NRXN3: variants seen among roughly 807,000 people sequenced by gnomAD.
The protein encoded by NRXN3 is neurexin 3.
In NRXN3, 32 loss-of-function variants were observed where a neutral mutation model predicts 137.6. The ratio of observed to expected loss-of-function variants is 0.23; its 90% CI spans 0.18 to 0.31. The LOEUF is 0.31. Ranked by LOEUF, NRXN3 falls within the 10% of genes least tolerant of loss-of-function variation. NRXN3 has a pLI of 1.00. For synonymous variants in NRXN3, 798 were observed against 784.5 expected, an observed-to-expected ratio of 1.02 and a Z score of -0.29; for missense variants, 1,574 against 2,062.5, an observed-to-expected ratio of 0.76 and a Z score of 4.59.
intron 4 of NRXN3, among the ~76,000 whole-genome samples, chr14:78,464,177 C>T (rs898502567): frequency 3.3e-5 from 5 of 151,852 alleles, no homozygotes; most frequent in African/African-American, 4.8e-5. Flanking sequence ...TTCAGCCTCC[C>T]GAGTAGCTGG....
rs58170856 is a variant in NRXN3, at chr14:78,993,834, ATTTTTTTTTTT to A, written c.3262+5716_3262+5726del. On this transcript the variant is annotated intron_variant, in intron 15 of 20. Transcript: ENST00000335750. ...GTTTTCATTGAAGATGAGCCTTGAA[ATTTTTTTTTTT>A]TTTTTTTTTTTTTTTTTTTTTTGAG... Among the ~76,000 whole-genome samples the A allele has an allele frequency of 2.1e-4, 14 of 67,004 alleles. No homozygotes were observed. The South Asian group carries it at 3.8e-3, about 18-fold the overall frequency. 44.0% of individuals were successfully genotyped at this position (67,004 alleles called of 152,430 possible).
At chr14:79,705,931 G>A (rs1283011936) in intron 19 of NRXN3, among the ~76,000 whole-genome samples, 1 of 152,184 alleles carries the variant, frequency 6.6e-6, no homozygotes, top group Non-Finnish European at 1.5e-5. Context: ...ACAGTGCCTA[G>A]AACAGTAGCG....
intron 19 of NRXN3, among the ~76,000 whole-genome samples, chr14:79,761,773 AT>A (rs2099039706): frequency 6.6e-6 from 1 of 151,150 alleles, no homozygotes; most frequent in Non-Finnish European, 1.5e-5. Flanking sequence ...AATAATTTAT[AT>A]TTTGATTATG....
chr14:78,780,924 C>T (rs762218338), intron 8 of NRXN3, among the ~76,000 whole-genome samples: 15 of 152,112 alleles, frequency 9.9e-5, no homozygotes, highest in Non-Finnish European at 1.8e-4. Flanking sequence ...TTTGGCCTCA[C>T]AATTGCATAT....
chr14:79,142,056 G>T (rs2199791), intron 15 of NRXN3, among the ~76,000 whole-genome samples: 149,575 of 152,268 alleles, frequency 0.98, 73,517 homozygotes, highest in Middle Eastern at 1. Flanking sequence ...AGATTCTTTT[G>T]GGGGGTTCAC....
chr14:79,284,349 T>C (rs1179006023), intron 15 of NRXN3, among the ~76,000 whole-genome samples: 8 of 86,020 alleles, frequency 9.3e-5, no homozygotes, highest in Middle Eastern at 6.2e-3. Flanking sequence ...AATACATATA[T>C]ATATATATAT....
intron 15 of NRXN3, among the ~76,000 whole-genome samples, chr14:79,112,354 A>G (rs993277908): frequency 1.3e-5 from 2 of 152,212 alleles, no homozygotes; most frequent in Admixed American, 6.5e-5. Flanking sequence ...GAAGGGAAGA[A>G]GGATGCATTT....
chr14:78,449,879 T>G (rs2094509603), intron 4 of NRXN3, among the ~76,000 whole-genome samples: 2 of 152,218 alleles, frequency 1.3e-5, no homozygotes, highest in African/African-American at 4.8e-5. Flanking sequence ...GGAATTAATA[T>G]CTCTCGATTC....
At chr14:78,226,283 G>A (rs1051441949) in intron 1 of NRXN3, among the ~76,000 whole-genome samples, 2 of 152,130 alleles carry the variant, frequency 1.3e-5, no homozygotes, top group Non-Finnish European at 2.9e-5. Context: ...GATTACAGGC[G>A]TGAGCCACCG....
intron 15 of NRXN3, among the ~76,000 whole-genome samples, chr14:79,390,918 G>A (rs143710599): frequency 2.6e-5 from 4 of 152,196 alleles, no homozygotes; most frequent in East Asian, 3.9e-4. Flanking sequence ...TAGTTAGCAC[G>A]AGAGTGGCTT....
intron 10 of NRXN3, among the ~76,000 whole-genome samples, chr14:78,842,500 C>A (rs571135696): frequency 6.6e-6 from 1 of 152,066 alleles, no homozygotes; most frequent in Admixed American, 6.6e-5. Context: ...GGAGGCAGGG[C>A]GAGATCACAG....
At position 79,681,211 on chromosome 14, in the gene NRXN3, C is replaced by A. The variant is rs1256160515; in HGVS notation, c.3617-10962C>A. 2.6e-5 allele frequency among the ~76,000 whole-genome samples: 4 copies of A among 152,190 alleles called. No homozygotes were observed. In the East Asian group the frequency reaches 7.7e-4, roughly 29 times the overall value. ...TTTTGCCACACAAACTCCTTTGAAT[C>A]TGGAGACTGCAACGGAGCTGCTTCC... On this transcript the variant is annotated intron_variant, in intron 17 of 20. Coordinates refer to ENST00000335750, the MANE Select transcript of NRXN3 (RefSeq NM_001330195.2).
At chr14:79,021,229 G>A (rs1475942382) in intron 15 of NRXN3, among the ~76,000 whole-genome samples, 1 of 152,108 alleles carries the variant, frequency 6.6e-6, no homozygotes, top group Admixed American at 6.6e-5. Flanking sequence ...ATTTGCTCAG[G>A]GTCGCCTGGC....
chr14:79,651,209 G>A (rs1316427171), intron 16 of NRXN3, among the ~76,000 whole-genome samples: 1 of 152,072 alleles, frequency 6.6e-6, no homozygotes, highest in Non-Finnish European at 1.5e-5. Flanking sequence ...TTCCTCTCAG[G>A]CCACAGAGGC....
chr14:79,393,970 G>A (rs1342804675), intron 15 of NRXN3, among the ~76,000 whole-genome samples: 1 of 152,150 alleles, frequency 6.6e-6, no homozygotes, highest in Non-Finnish European at 1.5e-5. Flanking sequence ...ACTAGGTCCA[G>A]TAGGGTGGAA....
At chr14:79,828,074 A>G (rs2099310851) in intron 20 of NRXN3, among the ~76,000 whole-genome samples, 1 of 152,070 alleles carries the variant, frequency 6.6e-6, no homozygotes, top group Admixed American at 6.6e-5. Context: ...TCATGACCCA[A>G]ACACCTCCCA....
intron 15 of NRXN3, among the ~76,000 whole-genome samples, chr14:79,441,822 C>A (rs1255930366): frequency 3.3e-5 from 5 of 151,580 alleles, no homozygotes; most frequent in African/African-American, 1.2e-4. Flanking sequence ...ACTAAAATGA[C>A]CTGTTCAATA....
chr14:78,543,364 G>A (rs767752301), intron 4 of NRXN3, among the ~76,000 whole-genome samples: 14 of 152,058 alleles, frequency 9.2e-5, no homozygotes, highest in Non-Finnish European at 1.9e-4. Context: ...GATTTTAACA[G>A]GTGTCCTCAA....
At chr14:79,306,389 C>T (rs1405466547) in intron 15 of NRXN3, among the ~76,000 whole-genome samples, 3 of 152,074 alleles carry the variant, frequency 2.0e-5, no homozygotes, top group Non-Finnish European at 4.4e-5. Context: ...CCTTGTTCCA[C>T]ATCCAGCACT....
Sources: gnomAD v4.1 joint callset for allele counts (sites outside exome capture counted in the v4.1 genomes callset) on GRCh38, gnomAD v4.1.1 for gene constraint, MANE v1.5 for transcripts, NCBI Gene and HGNC (gene_info 2026-07-23, HGNC 2026-07-21) for gene names.